The following DEF8 variants were observed in gnomAD, a reference collection of about 807,000 sequenced individuals.
DEF8 encodes DEF-8.
DEF8 carries 38 observed loss-of-function variants against 59.1 expected under a neutral mutation model. That is an observed-to-expected ratio of 0.64 (90% CI 0.50 to 0.84). The LOEUF (loss-of-function observed/expected upper bound fraction) is 0.84, where lower values mean the gene tolerates loss of function less well. Among genes scored for constraint, DEF8 ranks in the 40% least tolerant of loss-of-function variants. The pLI is 0.00. For synonymous variants in DEF8, 265 were observed against 250.1 expected (o/e 1.06, Z -0.56); for missense variants, 557 against 615.2 (o/e 0.91, Z 1.00).
chr16:89,955,057 T>G, intron 3 of DEF8, 112 bp from the exon 4 acceptor site: 3 of 793,830 alleles, frequency 3.8e-6, no homozygotes, highest in Non-Finnish European at 6.3e-6. Flanking sequence ...GCCTCCTTTC[T>G]GTGCGGCTTC....
At chr16:89,958,549 GA>G (rs985993469) in intron 5 of DEF8, 4 of 170,680 alleles carry the variant, frequency 2.3e-5, no homozygotes, top group East Asian at 1.6e-4. Flanking sequence ...TTGGTGGTAA[GA>G]AAAAAAAACC....
rs1567808558 is a variant in DEF8 at position 89,964,240 on chromosome 16, C to G, written c.1073C>G (p.Ala358Gly). The change falls in exon 11 of 13, where the codon GCC (alanine) becomes GGC (glycine). Residue 358 changes from alanine to glycine, a missense_variant. Physicochemically the swap from Ala to Gly is moderately conservative, Grantham distance 60 (BLOSUM62 0). Transcript: ENST00000563594. ...YSVQDLLDVHAGRLGCSLTEI... is the reference protein window; with the variant it reads ...YSVQDLLDVHGGRLGCSLTEI... ...GTCCAGGACCTCCTGGACGTGCATG[C>G]CGGCCGCCTGGGCTGCTCGCTCACC... 2 of 1,582,396 alleles carry G rather than the reference C, an allele frequency of 1.3e-6. No individual in the cohort carries two copies. The highest frequency in any genetic ancestry group is 4.6e-5 in the East Asian group (2 of 43,922).
intron 2 of DEF8, among the ~76,000 whole-genome samples, chr16:89,952,076 A>ACC (rs1442985198): frequency 2.0e-5 from 3 of 152,020 alleles, no homozygotes; most frequent in African/African-American, 7.3e-5. Flanking sequence ...ACAGGGTTTC[A>ACC]ATGTGTTAGC....
intron 6 of DEF8, chr16:89,959,430 G>C: frequency 1.8e-6 from 2 of 1,111,322 alleles, no homozygotes; most frequent in Non-Finnish European, 2.4e-6. Context: ...AGGGTGGAGT[G>C]AATGTGACTT....
intron 12 of DEF8, among the ~76,000 whole-genome samples, chr16:89,965,521 A>T (rs1261652916): frequency 6.6e-6 from 1 of 152,146 alleles, no homozygotes; most frequent in Non-Finnish European, 1.5e-5. Flanking sequence ...CGTGATGTAC[A>T]GTTTGGGAGC....
rs1368664370 is a variant in DEF8 at position 89,950,007 on chromosome 16, G to C, written c.-11+494G>C. 2.2e-5 allele frequency: 23 copies of C among 1,048,288 alleles called. No homozygotes were observed. In the East Asian group the frequency reaches 1.9e-3, roughly 85 times the overall value. 64.9% of individuals were successfully genotyped at this position (1,048,288 alleles called of 1,614,324 possible). On this transcript the variant is annotated intron_variant, in intron 2 of 12. Transcript: ENST00000563594. ...TCATTCATCCCCTGCCCGTGCGCCA[G>C]GCCTGGGGCTGGCACTGACTGTCAG...
At chr16:89,962,362 T>C (rs1343992023) in intron 9 of DEF8, among the ~76,000 whole-genome samples, 1 of 152,160 alleles carries the variant, frequency 6.6e-6, no homozygotes, top group Non-Finnish European at 1.5e-5. Flanking sequence ...AATAGCCACG[T>C]TAAAAAAGTA....
intron 1 of DEF8, among the ~76,000 whole-genome samples, 166 bp from the exon 2 acceptor site, chr16:89,949,251 C>A (rs2151110958): frequency 6.6e-6 from 1 of 152,126 alleles, no homozygotes; most frequent in South Asian, 2.1e-4. Context: ...GCTCAGGGGA[C>A]CCGCGTGGCC....
Position 89,949,972 on chromosome 16 carries a change from C to T in DEF8, c.-11+459C>T, listed in dbSNP as rs953934130. 10 of 966,616 alleles carry T rather than the reference C, an allele frequency of 1.0e-5. No homozygotes were observed. In the African/African-American group the frequency reaches 1.5e-4, roughly 15 times the overall value. 59.9% of individuals were successfully genotyped at this position (966,616 alleles called of 1,614,324 possible). A position where few individuals can be genotyped will look rare whatever the true frequency, so the allele number is the denominator to read the frequency against. ...GCAGAAGCTAAGGCTGCGAGGCCAG[C>T]GGCCTCCCCTCATTCATCCCCTGCC... On this transcript the variant is annotated intron_variant, in intron 2 of 12. Transcript: ENST00000563594.
At chr16:89,959,786 C>G (rs943374976) in intron 6 of DEF8, among the ~76,000 whole-genome samples, 2 of 152,230 alleles carry the variant, frequency 1.3e-5, no homozygotes, top group South Asian at 2.1e-4. Context: ...CGTGAGCCAC[C>G]ACGCCCAGCC....
chr16:89,960,982 G>C lies in DEF8; in HGVS notation c.566G>C (p.Cys189Ser). The C allele has an allele frequency of 1.2e-6, 2 of 1,614,162 alleles. No homozygotes were observed. Among genetic ancestry groups the C allele is most frequent in the Non-Finnish European group, 1.7e-6 (2 of 1,180,012 alleles). The part of the protein sequence containing the change: ...SKCLNLISKP[C>S]VSSKVSHQAE... The stretch of plus-strand genomic sequence containing the variant: ...TGCTTGAACCTCATCTCCAAGCCCT[G>C]TGTGAGCTCCAAAGTCAGCCACCAA... The change falls in exon 7 of 13, where the codon TGT becomes TCT. Residue 189 changes from cysteine to serine, a missense_variant. Cys to Ser is a moderately radical substitution (Grantham distance 112). Transcript: ENST00000563594.
Position 89,966,446 on chromosome 16 carries a change from G to A in DEF8, c.*483G>A, listed in dbSNP as rs1307933032. On this transcript the variant is annotated 3_prime_UTR_variant, in exon 13 of 13. Coordinates refer to ENST00000563594, the MANE Select transcript of DEF8 (RefSeq NM_001242818.2). ...CAGCCAAGGGCCGAGTCTCACCTGC[G>A]GTGGGGTGTCGGCTCTGCCTGGGGG... 1.9e-5 allele frequency: 3 copies of A among 153,882 alleles called. No individual in the cohort carries two copies. The highest frequency in any genetic ancestry group is 4.4e-5 in the Non-Finnish European group (3 of 68,890). The allele number at this position is 153,882 out of a possible 1,614,324, so 9.5% of individuals were successfully genotyped here.
chr16:89,957,403 TG>T, intron 4 of DEF8, 107 bp from the exon 5 acceptor site: 1 of 1,251,180 alleles, frequency 8.0e-7, no homozygotes, highest in Non-Finnish European at 1.1e-6. Flanking sequence ...TTTCCTTCTC[TG>T]GGTGAGGGGT....
rs1195186294 is a variant in DEF8 at position 89,954,709 on chromosome 16, G to C, written c.124+333G>C. Reference sequence around the variant, plus strand: ...AGGTTAGCCGAGGGAACGTGCTCTGGGCGTCAGGGTGGCATGAGCTTTAGA... The same window carrying C: ...AGGTTAGCCGAGGGAACGTGCTCTGCGCGTCAGGGTGGCATGAGCTTTAGA... On this transcript the variant is annotated intron_variant, in intron 3 of 12. Transcript: ENST00000563594. This position sits in a 1 kb window ranked among gnomAD's most constrained non-coding sequence, Gnocchi z 4.3. Among the ~76,000 whole-genome samples, 1 of 152,198 alleles carries C rather than the reference G, an allele frequency of 6.6e-6. No homozygotes were observed. The highest frequency in any genetic ancestry group is 1.5e-5 in the Non-Finnish European group (1 of 68,038).
At position 89,954,054 on chromosome 16, in the gene DEF8, C is replaced by T. The variant is rs149591625; in HGVS notation, c.-10-189C>T. ...CCAAGGGGACGCCACCAGTGGGGGC[C>T]TGGGCAGGAGGCAGCTGAGGTGTTT... On this transcript the variant is annotated intron_variant, in intron 2 of 12. Coordinates refer to ENST00000563594, the MANE Select transcript of DEF8 (RefSeq NM_001242818.2). The surrounding 1 kb of genome is among the most constrained non-coding windows in gnomAD (Gnocchi z 4.3). 602 of 613,712 alleles carry T rather than the reference C, an allele frequency of 9.8e-4. 4 individuals are homozygous for T. The highest frequency in any genetic ancestry group is 1.4e-3 in the Non-Finnish European group (521 of 360,738). The allele number at this position is 613,712 out of a possible 1,614,324, so 38.0% of individuals were successfully genotyped here. A position where few individuals can be genotyped will look rare whatever the true frequency, so the allele number is the denominator to read the frequency against.
chr16:89,965,791 CT>C, intron 12 of DEF8, 69 bp from the exon 13 acceptor site: 1 of 1,025,542 alleles, frequency 9.8e-7, no homozygotes, highest in Non-Finnish European at 1.5e-6. Flanking sequence ...AGGAGCTGAC[CT>C]AGGACGCTTG....
chr16:89,966,851 G>T lies in DEF8; in HGVS notation c.*888G>T, dbSNP rs753064760. 1.3e-5 allele frequency: 2 copies of T among 155,648 alleles called. No homozygotes were observed. Among genetic ancestry groups the T allele is most frequent in the African/African-American group, 2.4e-5 (1 of 41,588 alleles). The allele number at this position is 155,648 out of a possible 1,614,324, so 9.6% of individuals were successfully genotyped here. On this transcript the variant is annotated 3_prime_UTR_variant, in exon 13 of 13. Transcript: ENST00000563594. ...ATTTCTTGGAACCAGATTTACCTGA[G>T]GAGCTCTGTCCTGCTCCCTGTGGAG...
chr16:89,964,529 G>T lies in DEF8; in HGVS notation c.1207G>T (p.Asp403Tyr). 1 of 1,595,298 alleles carries T rather than the reference G, an allele frequency of 6.3e-7. No individual in the cohort carries two copies. The highest frequency in any genetic ancestry group is 8.5e-7 in the Non-Finnish European group (1 of 1,171,722). ...CREGDVLFPF[D>Y]SHTSVCADCS... Reference sequence around the variant, plus strand: ...AGAGGGCGACGTGCTGTTCCCGTTCGACAGCCACACGTCTGTGTGCGCCGA... The same window carrying T: ...AGAGGGCGACGTGCTGTTCCCGTTCTACAGCCACACGTCTGTGTGCGCCGA... The change falls in exon 12 of 13, where the codon GAC becomes TAC. Residue 403 changes from aspartate to tyrosine, a missense_variant. Transcript: ENST00000563594.
In DEF8 at chr16:89,954,247, G is replaced by T. The variant is rs781223071; in HGVS notation, c.-6G>T. ...CTGGCCCTGCCTGGCCCTCAGGTGG[G>T]ATGCTATGGAATATGATGAGAAGCT... On this transcript the variant is annotated 5_prime_UTR_variant, in exon 3 of 13. Coordinates refer to ENST00000563594, the MANE Select transcript of DEF8 (RefSeq NM_001242818.2). The surrounding 1 kb of genome is among the most constrained non-coding windows in gnomAD (Gnocchi z 4.3). 1.9e-6 allele frequency: 3 copies of T among 1,612,098 alleles called. No homozygotes were observed. In the South Asian group the frequency reaches 3.3e-5, roughly 18 times the overall value.
Sources: gnomAD v4.1 joint callset for allele counts (sites outside exome capture counted in the v4.1 genomes callset) on GRCh38, gnomAD v4.1.1 for gene constraint, Gnocchi (gnomAD v3.1) non-coding constraint, MANE v1.5 for transcripts, NCBI Gene and HGNC (gene_info 2026-07-23, HGNC 2026-07-21) for gene names.